CEP350: variants seen among roughly 807,000 people sequenced by gnomAD.
CEP350 encodes the protein centrosome-associated protein 350.
In CEP350, 126 loss-of-function variants were observed where a neutral mutation model predicts 331.8. The ratio of observed to expected loss-of-function variants is 0.38; its 90% confidence interval spans 0.33 to 0.44. The LOEUF is 0.44. Ranked by LOEUF, CEP350 falls within the 20% of genes least tolerant of loss-of-function variation. The pLI is 1.00. For synonymous variants in CEP350, 1,200 were observed against 1,259.5 expected (o/e 0.95, Z 1.00); for missense variants, 3,406 against 3,634.6 (o/e 0.94, Z 1.62).
intron 25 of CEP350, among the ~76,000 whole-genome samples, chr1:180,057,598 A>G (rs1657940975): frequency 6.6e-6 from 1 of 151,316 alleles, no homozygotes. Context: ...TCACAGTTAT[A>G]TAAATAACTG....
chr1:179,992,288 C>T lies in CEP350; in HGVS notation c.395+67C>T, dbSNP rs536874950. On this transcript the variant is annotated intron_variant, in intron 5 of 37. Coordinates refer to ENST00000367607, the MANE Select transcript of CEP350 (RefSeq NM_014810.5). The stretch of plus-strand genomic sequence containing the variant: ...CTGTAATATTTACAGTAAGAGTATA[C>T]GTTGTTTTCTGAGTTTTTTATAGCA... 1,071 of 1,319,190 alleles carry T rather than the reference C, an allele frequency of 8.1e-4. 2 individuals carry two copies. The highest frequency in any genetic ancestry group is 1.0e-3 in the South Asian group (51 of 49,518). The allele number at this position is 1,319,190 out of a possible 1,614,324, so 81.7% of individuals were successfully genotyped here. A position where few individuals can be genotyped will look rare whatever the true frequency, so the allele number is the denominator to read the frequency against.
chr1:180,095,906 C>T lies in CEP350; in HGVS notation c.8895C>T (p.Ser2965=), dbSNP rs776118922. Residue 2965 remains serine, a synonymous_variant, in exon 35 of 38, where the codon AGC becomes AGT. Coordinates refer to ENST00000367607, the MANE Select transcript of CEP350 (RefSeq NM_014810.5). ...GCASKGLDIE[S]TSKRVYKQAV... is the part of the protein sequence containing the mutation. ...CCAGTAAAGGTCTAGATATAGAAAGCACTAGTAAAAGGGTCTACAAACAGG... is the reference window on the plus strand; with the variant it reads ...CCAGTAAAGGTCTAGATATAGAAAGTACTAGTAAAAGGGTCTACAAACAGG... The T allele has an allele frequency of 1.2e-6, 2 of 1,604,620 alleles. No individual in the cohort carries two copies. Among genetic ancestry groups the T allele is most frequent in the Non-Finnish European group, 1.7e-6 (2 of 1,176,562 alleles).
rs77322723 is a variant in CEP350 at position 179,958,299 on chromosome 1, A to G, written c.-14+3157A>G. ...TTCCCTATCAAGATTAAAAGTATATATATTGTTTGATAGAATCATTTCCTG... is the reference window on the plus strand; with the variant it reads ...TTCCCTATCAAGATTAAAAGTATATGTATTGTTTGATAGAATCATTTCCTG... On this transcript the variant is annotated intron_variant, in intron 1 of 37. Transcript: ENST00000367607. 6.6e-5 allele frequency among the ~76,000 whole-genome samples: 10 copies of G among 152,260 alleles called. No homozygotes were observed. In the East Asian group the frequency reaches 1.9e-3, roughly 29 times the overall value.
intron 11 of CEP350, among the ~76,000 whole-genome samples, chr1:180,019,521 T>C (rs1655181148): frequency 6.6e-6 from 1 of 152,216 alleles, no homozygotes; most frequent in African/African-American, 2.4e-5. Flanking sequence ...CATTAATATT[T>C]AGCAATTTTA....
At chr1:179,988,726 T>C (rs773912858) in intron 3 of CEP350, among the ~76,000 whole-genome samples, 1 of 152,118 alleles carries the variant, frequency 6.6e-6, no homozygotes, top group Non-Finnish European at 1.5e-5. Flanking sequence ...ATACCCTTTT[T>C]TGTTTTCTAT....
intron 1 of CEP350, among the ~76,000 whole-genome samples, chr1:179,958,680 A>G (rs1650355754): frequency 6.6e-6 from 1 of 152,214 alleles, no homozygotes; most frequent in African/African-American, 2.4e-5. Context: ...AGTAGTTCTC[A>G]TGTTACAGGG....
chr1:179,979,177 T>C (rs938679536), intron 1 of CEP350, among the ~76,000 whole-genome samples: 3 of 152,156 alleles, frequency 2.0e-5, no homozygotes, highest in African/African-American at 7.2e-5. Flanking sequence ...CTAGTTTACA[T>C]TCCCACCAAT....
chr1:180,064,968 GTGATA>G, intron 26 of CEP350, 142 bp from the exon 27 acceptor site: 1 of 723,020 alleles, frequency 1.4e-6, no homozygotes, highest in Non-Finnish European at 2.0e-6. Flanking sequence ...TTTTAAGTGT[GTGATA>G]TATTTTGTCC....
chr1:180,034,848 A>G (rs143913085), intron 16 of CEP350, among the ~76,000 whole-genome samples: 16 of 152,244 alleles, frequency 1.1e-4, no homozygotes, highest in Admixed American at 3.9e-4. Flanking sequence ...TACTAACCCT[A>G]CAATGGTCTC....
In CEP350 at chr1:180,112,314, A is replaced by G. The variant is rs1039513935; in HGVS notation, c.*1153A>G. On this transcript the variant is annotated 3_prime_UTR_variant, in exon 38 of 38. Coordinates refer to ENST00000367607, the MANE Select transcript of CEP350 (RefSeq NM_014810.5). ...CTGTGGTTTTAACAAACCAATACAC[A>G]TATTGAAGAAGTCATTTTAATTCAG... 2 of 152,590 alleles carry G rather than the reference A, an allele frequency of 1.3e-5. No individual in the cohort carries two copies. The highest frequency in any genetic ancestry group is 2.1e-4 in the South Asian group (1 of 4,834). 9.5% of individuals were successfully genotyped at this position (152,590 alleles called of 1,614,324 possible).
chr1:179,997,437 G>A (rs1365303679), intron 6 of CEP350, among the ~76,000 whole-genome samples: 1 of 151,862 alleles, frequency 6.6e-6, no homozygotes, highest in East Asian at 1.9e-4. Context: ...CAACTGCTCG[G>A]GAGGCTGAGG....
chr1:180,074,831 A>G (rs1239146856), intron 27 of CEP350, among the ~76,000 whole-genome samples, 191 bp from the exon 28 acceptor site: 1 of 152,194 alleles, frequency 6.6e-6, no homozygotes, highest in Non-Finnish European at 1.5e-5. Context: ...GTAAAACATA[A>G]ATTCCCTCAT....
At position 180,098,903 on chromosome 1, in the gene CEP350, A is replaced by G. The variant is rs372684351; in HGVS notation, c.9107A>G (p.Lys3036Arg). Residue 3036 changes from lysine (K) to arginine (R), a missense_variant, in exon 37 of 38, where the codon AAA becomes AGA. Physicochemically the swap from Lys to Arg is conservative, Grantham distance 26 (BLOSUM62 2). Transcript: ENST00000367607. ...ASEVLKLFSL[K>R]KEPNHKTDWQ... ...GAAGTACTCAAGTTGTTCAGTCTTA[A>G]AAAGGAGCCAAACCACAAAACAGAT... 22 of 1,613,550 alleles carry G rather than the reference A, an allele frequency of 1.4e-5. No individual in the cohort carries two copies. The South Asian group carries it at 1.8e-4, about 13-fold the overall frequency.
intron 9 of CEP350, among the ~76,000 whole-genome samples, chr1:180,012,828 A>G (rs1258587643): frequency 6.6e-6 from 1 of 152,218 alleles, no homozygotes; most frequent in South Asian, 2.1e-4. Flanking sequence ...AAATACGCTC[A>G]TGTGTATTCC....
chr1:180,031,198 A>G, intron 14 of CEP350, 122 bp from the exon 15 acceptor site: 1 of 553,134 alleles, frequency 1.8e-6, no homozygotes, highest in Non-Finnish European at 3.1e-6. Context: ...AATATAGTAT[A>G]AGTCAAATTT....
At chr1:180,108,769 A>C (rs1661304814) in intron 37 of CEP350, among the ~76,000 whole-genome samples, 1 of 152,198 alleles carries the variant, frequency 6.6e-6, no homozygotes. Context: ...GCTGAGTTAA[A>C]CAAGTTTCTT....
In CEP350 at chr1:180,053,077, C is replaced by A; in HGVS notation, c.4900C>A (p.Arg1634Ser). The change falls in exon 23 of 38, where the codon CGC (arginine) becomes AGC (serine). Residue 1634 changes from arginine to serine, a missense_variant. Arg to Ser is a moderately radical substitution (Grantham distance 110). Transcript: ENST00000367607. ...FRSLLPSESHRRFNMEKRRGH... is the reference protein window; with the variant it reads ...FRSLLPSESHSRFNMEKRRGH... ...ATCATTACTACCTTCAGAGAGTCACCGCAGATTTAACATGGAAAAGAGAAG... is the reference window on the plus strand; with the variant it reads ...ATCATTACTACCTTCAGAGAGTCACAGCAGATTTAACATGGAAAAGAGAAG... 1 of 1,602,866 alleles carries A rather than the reference C, an allele frequency of 6.2e-7. No individual in the cohort carries two copies. Among genetic ancestry groups the A allele is most frequent in the Admixed American group, 1.7e-5 (1 of 59,408 alleles).
chr1:180,105,634 T>C (rs1347929378), intron 37 of CEP350, among the ~76,000 whole-genome samples: 1 of 152,232 alleles, frequency 6.6e-6, no homozygotes, highest in African/African-American at 2.4e-5. Flanking sequence ...TTTATTTAAA[T>C]GATCCTCTGA....
chr1:179,977,061 G>A (rs150336271), intron 1 of CEP350, among the ~76,000 whole-genome samples: 4 of 152,044 alleles, frequency 2.6e-5, no homozygotes, highest in East Asian at 3.9e-4. Flanking sequence ...CTCATGTTCC[G>A]TTGCTTATCC....
Sources: gnomAD v4.1 joint callset for allele counts (sites outside exome capture counted in the v4.1 genomes callset) on GRCh38, gnomAD v4.1.1 for gene constraint, MANE v1.5 for transcripts, NCBI Gene and HGNC (gene_info 2026-07-23, HGNC 2026-07-21) for gene names.